Variants in CCDC192 observed in about 807,000 individuals in gnomAD.
CCDC192 encodes the protein coiled-coil domain containing 192.
At chr5:127,786,379 T>C in intron 3 of CCDC192, 1 of 633,734 alleles carries the variant, frequency 1.6e-6, no homozygotes, top group East Asian at 2.6e-5. Flanking sequence ...TTATACACTG[T>C]TAATGTAGGG....
chr5:127,761,528 A>G (rs1003203919), intron 3 of CCDC192, among the ~76,000 whole-genome samples: 1 of 152,064 alleles, frequency 6.6e-6, no homozygotes, highest in African/African-American at 2.4e-5. Context: ...CTGTAGCTCT[A>G]TGTGCATGTG....
At chr5:127,716,331 A>G (rs1751621450) in intron 2 of CCDC192, among the ~76,000 whole-genome samples, 1 of 152,074 alleles carries the variant, frequency 6.6e-6, no homozygotes, top group Non-Finnish European at 1.5e-5. Flanking sequence ...GTTCATCAGG[A>G]ATACTAGCCT....
At chr5:127,768,982 T>A (rs112490046) in intron 3 of CCDC192, among the ~76,000 whole-genome samples, 2 of 152,226 alleles carry the variant, frequency 1.3e-5, no homozygotes, top group Non-Finnish European at 2.9e-5. Flanking sequence ...ACGCTTTGTT[T>A]TTAAATTAAG....
At chr5:127,895,583 T>TA (rs1752857462) in intron 6 of CCDC192, among the ~76,000 whole-genome samples, 1 of 152,212 alleles carries the variant, frequency 6.6e-6, no homozygotes, top group South Asian at 2.1e-4. Context: ...CTCACTCCTG[T>TA]AATCCCAGCA....
intron 6 of CCDC192, among the ~76,000 whole-genome samples, chr5:127,925,764 A>G (rs1442942335): frequency 2.0e-5 from 3 of 152,100 alleles, no homozygotes; most frequent in Admixed American, 1.3e-4. Flanking sequence ...GTTCGCTTAA[A>G]CCACTTTCAT....
chr5:127,704,320 C>G (rs1378543356), intron 1 of CCDC192, among the ~76,000 whole-genome samples: 1 of 152,154 alleles, frequency 6.6e-6, no homozygotes, highest in African/African-American at 2.4e-5. Flanking sequence ...TCCTGAGTAG[C>G]TGGGATTACA....
intron 5 of CCDC192, among the ~76,000 whole-genome samples, chr5:127,809,579 T>G (rs930128301): frequency 4.6e-5 from 7 of 152,212 alleles, no homozygotes; most frequent in African/African-American, 1.7e-4. Flanking sequence ...ATAATTGGTT[T>G]TATTTGGCTG....
At chr5:127,904,179 T>C (rs1472257930) in intron 6 of CCDC192, among the ~76,000 whole-genome samples, 1 of 152,060 alleles carries the variant, frequency 6.6e-6, no homozygotes, top group African/African-American at 2.4e-5. Flanking sequence ...AACCAAGAAA[T>C]ATGGACAGCC....
intron 3 of CCDC192, among the ~76,000 whole-genome samples, chr5:127,789,978 G>T (rs1756771247): frequency 6.6e-6 from 1 of 152,188 alleles, no homozygotes; most frequent in Non-Finnish European, 1.5e-5. Flanking sequence ...CAGAACCCTG[G>T]GGGAGAGATC....
At chr5:127,716,792 G>A (rs1170897041) in intron 2 of CCDC192, among the ~76,000 whole-genome samples, 2 of 152,042 alleles carry the variant, frequency 1.3e-5, no homozygotes, top group African/African-American at 2.4e-5. Context: ...TGACCTCCTT[G>A]CTTTGATTGG....
intron 6 of CCDC192, among the ~76,000 whole-genome samples, chr5:127,917,739 G>A (rs745554804): frequency 2.0e-5 from 3 of 152,034 alleles, no homozygotes; most frequent in Non-Finnish European, 2.9e-5. Context: ...AAAGATCATC[G>A]ATCACAGAAC....
intron 1 of CCDC192, among the ~76,000 whole-genome samples, 155 bp from the exon 2 acceptor site, chr5:127,707,554 A>T (rs1472818946): frequency 6.6e-6 from 1 of 152,180 alleles, no homozygotes; most frequent in Non-Finnish European, 1.5e-5. Flanking sequence ...TTCCCTTAGA[A>T]ATGTCCAGAA....
intron 6 of CCDC192, among the ~76,000 whole-genome samples, chr5:127,906,527 T>C (rs1003503131): frequency 2.6e-5 from 4 of 151,626 alleles, no homozygotes; most frequent in African/African-American, 9.7e-5. Flanking sequence ...GGCTCACACC[T>C]GTAATCCTAG....
chr5:127,838,656 G>A (rs1478305019), intron 5 of CCDC192: 1 of 152,138 alleles, frequency 6.6e-6, no homozygotes, highest in Non-Finnish European at 1.5e-5. Flanking sequence ...ATGGTTACTT[G>A]TACATTTCAC....
At chr5:127,909,807 A>T (rs1753296457) in intron 6 of CCDC192, among the ~76,000 whole-genome samples, 1 of 152,346 alleles carries the variant, frequency 6.6e-6, no homozygotes, top group South Asian at 2.1e-4. Flanking sequence ...ATAGATGAAT[A>T]GAAGTGTTCA....
intron 2 of CCDC192, among the ~76,000 whole-genome samples, chr5:127,714,257 T>C (rs756230887): frequency 6.6e-6 from 1 of 152,228 alleles, no homozygotes; most frequent in African/African-American, 2.4e-5. Flanking sequence ...GGACACTTAG[T>C]TGGAGTTCAT....
chr5:127,788,052 A>G (rs1457720075), intron 3 of CCDC192, among the ~76,000 whole-genome samples: 1 of 138,870 alleles, frequency 7.2e-6, no homozygotes, highest in Admixed American at 7.9e-5. Flanking sequence ...ACTTCACTCC[A>G]GCCTGGGTAA....
At chr5:127,891,488 G>A (rs376974680) in intron 6 of CCDC192, among the ~76,000 whole-genome samples, 19 of 139,266 alleles carry the variant, frequency 1.4e-4, no homozygotes, top group African/African-American at 5.2e-4. Flanking sequence ...TTGTTAGAGT[G>A]GAAGAAGGGT....
At chr5:127,798,189 C>T (rs1176476309) in intron 5 of CCDC192, 27 bp downstream of exon 5, 1 of 398,024 alleles carries the variant, frequency 2.5e-6, no homozygotes. Context: ...TTTTTTCATC[C>T]CTTTATTTAT....
Sources: gnomAD v4.1 joint callset for allele counts (sites outside exome capture counted in the v4.1 genomes callset) on GRCh38, gnomAD v4.1.1 for gene constraint, MANE v1.5 for transcripts, NCBI Gene and HGNC (gene_info 2026-07-23, HGNC 2026-07-21) for gene names.